PAIP2B: variants seen among roughly 807,000 people sequenced by gnomAD.
PAIP2B encodes polyadenylate-binding protein-interacting protein 2B.
Under a neutral mutation model 17.0 loss-of-function variants are expected in PAIP2B, and 13 were observed. The ratio of observed to expected loss-of-function variants is 0.76; its 90% CI spans 0.50 to 1.22. The LOEUF (loss-of-function observed/expected upper bound fraction) is 1.22. Among genes scored for constraint, PAIP2B ranks in the 50% most tolerant of loss-of-function variants. PAIP2B has a pLI of 0.00. For missense variants in PAIP2B, 117 were observed against 144.5 expected, an observed-to-expected ratio of 0.81 and a Z score of 0.98; for synonymous variants, 43 against 48.7, an observed-to-expected ratio of 0.88 and a Z score of 0.48.
intron 1 of PAIP2B, among the ~76,000 whole-genome samples, chr2:71,216,406 C>A (rs1197813488): frequency 6.6e-6 from 1 of 152,176 alleles, no homozygotes; most frequent in Admixed American, 6.5e-5. Flanking sequence ...GACTTCCAAT[C>A]ATAAAAAACC....
At chr2:71,203,549 A>AT (rs1232228404) in intron 1 of PAIP2B, among the ~76,000 whole-genome samples, 1 of 151,786 alleles carries the variant, frequency 6.6e-6, no homozygotes, top group Non-Finnish European at 1.5e-5. Flanking sequence ...TAAAACTTGC[A>AT]TTTTTTTACA....
intron 1 of PAIP2B, among the ~76,000 whole-genome samples, chr2:71,211,564 C>T (rs1427802940): frequency 6.8e-6 from 1 of 146,792 alleles, no homozygotes; most frequent in African/African-American, 2.5e-5. Flanking sequence ...AGTTCCCAAA[C>T]TAGTGTTCTA....
intron 1 of PAIP2B, among the ~76,000 whole-genome samples, chr2:71,207,517 AATGCACCGTAGCATG>A (rs139164236): frequency 0.063 from 9,640 of 152,154 alleles, 1,022 homozygotes; most frequent in East Asian, 0.56. Flanking sequence ...AACTCCTTAT[AATGCACCGTAGCATG>A]ATTCGACATA....
intron 2 of PAIP2B, among the ~76,000 whole-genome samples, chr2:71,192,443 T>A (rs982465448): frequency 6.6e-6 from 1 of 152,136 alleles, no homozygotes; most frequent in Non-Finnish European, 1.5e-5. Context: ...TCAGTAATCT[T>A]TGATGTTACT....
At chr2:71,226,511 C>T (rs1018899394) in intron 1 of PAIP2B, among the ~76,000 whole-genome samples, 2 of 152,196 alleles carry the variant, frequency 1.3e-5, no homozygotes, top group African/African-American at 4.8e-5. Context: ...CCTCCCGCTC[C>T]AGCCCGGGGA....
At chr2:71,223,441 C>CTT (rs112382318) in intron 1 of PAIP2B, among the ~76,000 whole-genome samples, 4 of 138,460 alleles carry the variant, frequency 2.9e-5, no homozygotes, top group South Asian at 2.4e-4. Flanking sequence ...AAAACACAGA[C>CTT]TTTTTTTTTT....
chr2:71,218,604 G>GT (rs956867523), intron 1 of PAIP2B, among the ~76,000 whole-genome samples: 21 of 151,988 alleles, frequency 1.4e-4, no homozygotes, highest in Middle Eastern at 3.4e-3. Context: ...CCCTAAAACT[G>GT]TTTTTTTGTT....
intron 1 of PAIP2B, among the ~76,000 whole-genome samples, chr2:71,220,335 A>C (rs1011219937): frequency 2.6e-5 from 4 of 152,362 alleles, no homozygotes; most frequent in Middle Eastern, 3.4e-3. Flanking sequence ...ATAAAGGGAT[A>C]AACAGAACAG....
intron 2 of PAIP2B, among the ~76,000 whole-genome samples, chr2:71,191,015 G>A (rs1197396307): frequency 2.6e-5 from 4 of 152,046 alleles, no homozygotes; most frequent in Non-Finnish European, 4.4e-5. Context: ...ATATATCTAG[G>A]ATATTTTACA....
chr2:71,189,233 G>A (rs1674620470), intron 3 of PAIP2B, among the ~76,000 whole-genome samples: 1 of 151,948 alleles, frequency 6.6e-6, no homozygotes, highest in African/African-American at 2.4e-5. Context: ...GGCTGGTCTT[G>A]AACTCCAGAC....
chr2:71,216,166 C>G (rs992001599), intron 1 of PAIP2B, among the ~76,000 whole-genome samples: 1 of 152,154 alleles, frequency 6.6e-6, no homozygotes, highest in Non-Finnish European at 1.5e-5. Context: ...TGTCTAATAT[C>G]TTTAAAAACA....
At chr2:71,223,010 C>T (rs1033197083) in intron 1 of PAIP2B, among the ~76,000 whole-genome samples, 1 of 152,230 alleles carries the variant, frequency 6.6e-6, no homozygotes. Context: ...ATAATTCCAA[C>T]CTGGGCCTTT....
At chr2:71,198,667 C>T (rs910986945) in intron 2 of PAIP2B, among the ~76,000 whole-genome samples, 7 of 151,702 alleles carry the variant, frequency 4.6e-5, no homozygotes, top group East Asian at 3.9e-4. Context: ...AGGTGATCCC[C>T]GCCTCAGCCT....
At position 71,203,873 on chromosome 2, in the gene PAIP2B, G is replaced by C. The variant is rs530871118; in HGVS notation, c.-11-1273C>G. Among the ~76,000 whole-genome samples the C allele has an allele frequency of 3.4e-4, 52 of 151,988 alleles. 1 individual carries two copies. In the South Asian group the frequency reaches 0.011, roughly 31 times the overall value. ...TGTCTACAGCTTCGTAAAATTGTATGTACATAAAATTGTTTATTTTGGCTT... is the reference window on the plus strand; with the variant it reads ...TGTCTACAGCTTCGTAAAATTGTATCTACATAAAATTGTTTATTTTGGCTT... On this transcript the variant is annotated intron_variant, in intron 1 of 3. Transcript: ENST00000244221.
At chr2:71,190,640 T>A (rs1031950130) in intron 2 of PAIP2B, among the ~76,000 whole-genome samples, 9 of 152,222 alleles carry the variant, frequency 5.9e-5, no homozygotes, top group African/African-American at 9.6e-5. Flanking sequence ...TAATAGGTGA[T>A]ACAGATATCA....
At position 71,190,074 on chromosome 2, in the gene PAIP2B, C is replaced by A; in HGVS notation, c.139-53G>T. On this transcript the variant is annotated intron_variant, in intron 2 of 3. Coordinates refer to ENST00000244221, the MANE Select transcript of PAIP2B (RefSeq NM_020459.1). ...CTTACTGTCACAGCAAGACTTACCC[C>A]TTCCAGTTTTTCCTCCACCTCTTTC... 3.3e-6 allele frequency: 5 copies of A among 1,516,004 alleles called. No homozygotes were observed. In the South Asian group the frequency reaches 6.5e-5, roughly 20 times the overall value. The allele number at this position is 1,516,004 out of a possible 1,614,324, so 93.9% of individuals were successfully genotyped here. A position where few individuals can be genotyped will look rare whatever the true frequency, so the allele number is the denominator to read the frequency against.
chr2:71,221,603 T>C (rs138756354), intron 1 of PAIP2B, among the ~76,000 whole-genome samples: 1 of 152,366 alleles, frequency 6.6e-6, no homozygotes, highest in African/African-American at 2.4e-5. Context: ...TCAATTACCT[T>C]GTTAGATTCT....
At position 71,187,094 on chromosome 2, in the gene PAIP2B, C is replaced by T. The variant is rs1674561126; in HGVS notation, c.*1385G>A. The T allele has an allele frequency of 6.6e-6, 1 of 152,288 alleles. No homozygotes were observed. The highest frequency in any genetic ancestry group is 6.5e-5 in the Admixed American group (1 of 15,282). The allele number at this position is 152,288 out of a possible 1,614,324, so 9.4% of individuals were successfully genotyped here. A position where few individuals can be genotyped will look rare whatever the true frequency, so the allele number is the denominator to read the frequency against. ...AAAGAAGCCACTATTATCTTCAGGG[C>T]TCTCCAATTCCTCATCCCTGGGAGA... is the stretch of plus-strand genomic sequence containing the variant. On this transcript the variant is annotated 3_prime_UTR_variant, in exon 4 of 4. Coordinates refer to ENST00000244221, the MANE Select transcript of PAIP2B (RefSeq NM_020459.1).
chr2:71,200,484 G>C (rs896134155), intron 2 of PAIP2B, among the ~76,000 whole-genome samples: 1 of 152,220 alleles, frequency 6.6e-6, no homozygotes, highest in African/African-American at 2.4e-5. Flanking sequence ...AGGCACGGTG[G>C]CTCACGCCTG....
Sources: allele counts gnomAD v4.1 joint callset (sites outside exome capture counted in the v4.1 genomes callset), GRCh38; gene constraint gnomAD v4.1.1; transcripts MANE v1.5; gene names NCBI Gene and HGNC (gene_info 2026-07-23, HGNC 2026-07-21).